Variants in CFAP20 observed in about 807,000 individuals in gnomAD.
CFAP20 encodes the protein cilia- and flagella-associated protein 20.
In CFAP20, 14 loss-of-function variants were observed where a neutral mutation model predicts 25.5. The observed-to-expected ratio is 0.55, with a 90% CI of 0.36 to 0.86. The LOEUF (loss-of-function observed/expected upper bound fraction) is 0.86. Ranked by LOEUF, CFAP20 falls within the 40% of genes least tolerant of loss-of-function variation. The probability of loss-of-function intolerance (pLI) is 0.01; values close to 1 mark genes in which losing one functional copy is unlikely to be tolerated. For synonymous variants in CFAP20, 75 were observed against 91.1 expected (o/e 0.82, Z 1.01); for missense variants, 181 against 248.0 (o/e 0.73, Z 1.81).
chr16:58,116,937 G>A lies in CFAP20; in HGVS notation c.99C>T (p.His33=), dbSNP rs558423067. 1.4e-5 allele frequency: 22 copies of A among 1,614,082 alleles called. No homozygotes were observed. In the Admixed American group the frequency reaches 2.8e-4, roughly 21 times the overall value. ...QIWDKKVRNG[H]IKRITDNDIQ... ...TGTCATTATCAGTGATTCTTTTGAT[G>A]TGGCCATTCCGTACCTACAAGAAAG... is the stretch of plus-strand genomic sequence containing the variant. Residue 33 remains histidine (H), a synonymous_variant, in exon 2 of 6, where the codon CAC becomes CAT. Transcript: ENST00000262498.
chr16:58,114,751 C>A, intron 5 of CFAP20, 59 bp downstream of exon 5: 1 of 1,405,854 alleles, frequency 7.1e-7, no homozygotes, highest in Admixed American at 1.7e-5. Flanking sequence ...AGAGCACCTT[C>A]CAGGAACACA....
At position 58,123,120 on chromosome 16, in the gene CFAP20, G is replaced by A. The variant is rs190543416; in HGVS notation, c.84+5912C>T. Among the ~76,000 whole-genome samples, 1,331 of 151,808 alleles carry A rather than the reference G, an allele frequency of 8.8e-3. 22 individuals are homozygous for A. Among genetic ancestry groups the A allele is most frequent in the East Asian group, 0.077 (389 of 5,028 alleles). ...AGTGATTCTCCTGCCTCAGCCTCCC[G>A]AGTAGCTGGGATTACAGGCATGTGC... is the stretch of plus-strand genomic sequence containing the variant. On this transcript the variant is annotated intron_variant, in intron 1 of 5. Transcript: ENST00000262498.
rs1960675408 is a variant in CFAP20, at chr16:58,129,218, C to G, written c.-103G>C. 7.8e-7 allele frequency: 1 copy of G among 1,279,702 alleles called. No individual in the cohort carries two copies. Among genetic ancestry groups the G allele is most frequent in the Admixed American group, 2.1e-5 (1 of 48,692 alleles). 79.3% of individuals were successfully genotyped at this position (1,279,702 alleles called of 1,614,324 possible). On this transcript the variant is annotated 5_prime_UTR_variant, in exon 1 of 6. Coordinates refer to ENST00000262498, the MANE Select transcript of CFAP20 (RefSeq NM_013242.3). ...GGCACAGCAGCAGGCCGGCCCTGTT[C>G]CGAAGAAGGGTGGTTGAGCTCCTGG...
intron 1 of CFAP20, among the ~76,000 whole-genome samples, chr16:58,118,262 T>C (rs1380049981): frequency 2.0e-5 from 3 of 152,032 alleles, no homozygotes; most frequent in Non-Finnish European, 2.9e-5. Flanking sequence ...GGAGGATAGC[T>C]TGAGCTCAGG....
At chr16:58,117,260 C>G (rs908268313) in intron 1 of CFAP20, among the ~76,000 whole-genome samples, 1 of 152,208 alleles carries the variant, frequency 6.6e-6, no homozygotes, top group Non-Finnish European at 1.5e-5. Context: ...ATCCCCTTCT[C>G]ACTTAAGCCT....
At chr16:58,128,414 A>G (rs1452082582) in intron 1 of CFAP20, among the ~76,000 whole-genome samples, 6 of 152,168 alleles carry the variant, frequency 3.9e-5, no homozygotes, top group African/African-American at 1.4e-4. Flanking sequence ...AGCAGGTGCC[A>G]AGGGCCACTG....
At chr16:58,125,587 G>C (rs758815399) in intron 1 of CFAP20, among the ~76,000 whole-genome samples, 11 of 152,096 alleles carry the variant, frequency 7.2e-5, no homozygotes, top group Non-Finnish European at 1.2e-4. Flanking sequence ...GGGAGGTTGA[G>C]GTGGGAGGAT....
intron 1 of CFAP20, among the ~76,000 whole-genome samples, chr16:58,117,617 T>G (rs1038926328): frequency 6.6e-6 from 1 of 152,040 alleles, no homozygotes; most frequent in Non-Finnish European, 1.5e-5. Flanking sequence ...GTATCTTTAG[T>G]AGAGACGGGG....
chr16:58,115,418 T>C lies in CFAP20; in HGVS notation c.316A>G (p.Ser106Gly). The C allele has an allele frequency of 1.9e-6, 3 of 1,614,232 alleles. No individual in the cohort carries two copies. The highest frequency in any genetic ancestry group is 2.5e-6 in the Non-Finnish European group (3 of 1,180,046). ...ACCCGGGTGGTGCTCTGGTAGTTAC[T>C]TGCCCGAAAGCGACGACGCACATTC... is the stretch of plus-strand genomic sequence containing the variant. ...DKNVRRRFRASNYQSTTRVKP... is the reference protein window; with the variant it reads ...DKNVRRRFRAGNYQSTTRVKP... The change falls in exon 4 of 6, where the codon AGT becomes GGT. Residue 106 changes from serine (S) to glycine (G), a missense_variant. Coordinates refer to ENST00000262498, the MANE Select transcript of CFAP20 (RefSeq NM_013242.3).
intron 1 of CFAP20, among the ~76,000 whole-genome samples, chr16:58,118,668 A>G (rs550512392): frequency 6.6e-6 from 1 of 151,956 alleles, no homozygotes; most frequent in East Asian, 1.9e-4. Flanking sequence ...CATCTCTACA[A>G]AAAATTAGCC....
chr16:58,129,063 C>T lies in CFAP20; in HGVS notation c.53G>A (p.Gly18Asp). Reference protein sequence around the residue: ...SGFLSILYSIGSKPLQIWDKK... With the variant: ...SGFLSILYSIDSKPLQIWDKK... ...GTCCCAGATTTGCAGAGGCTTGCTG[C>T]CGATGCTGTAGAGGATGGAGAGGAA... The change falls in exon 1 of 6, where the codon GGC becomes GAC. Residue 18 changes from glycine to aspartate, a missense_variant. Gly to Asp is a moderately conservative substitution (Grantham distance 94, BLOSUM62 -1). Transcript: ENST00000262498. 1 of 1,613,320 alleles carries T rather than the reference C, an allele frequency of 6.2e-7. No homozygotes were observed. Among genetic ancestry groups the T allele is most frequent in the Non-Finnish European group, 8.5e-7 (1 of 1,179,782 alleles).
chr16:58,126,100 T>G (rs1960606913), intron 1 of CFAP20, among the ~76,000 whole-genome samples: 1 of 152,198 alleles, frequency 6.6e-6, no homozygotes, highest in African/African-American at 2.4e-5. Flanking sequence ...ATCACACAAC[T>G]GGAACACAGC....
rs1218648301 is a variant in CFAP20, at chr16:58,114,001, C to T, written c.*24G>A. The T allele has an allele frequency of 6.2e-7, 1 of 1,611,572 alleles. No homozygotes were observed. The highest frequency in any genetic ancestry group is 2.2e-5 in the East Asian group (1 of 44,870). On this transcript the variant is annotated 3_prime_UTR_variant, in exon 6 of 6. Transcript: ENST00000262498. ...AAAAAGAAGAGTCACATCCAGGGGTCTATCCCTCGAGTCACAATTCCAGTT... is the reference window on the plus strand; with the variant it reads ...AAAAAGAAGAGTCACATCCAGGGGTTTATCCCTCGAGTCACAATTCCAGTT...
intron 1 of CFAP20, among the ~76,000 whole-genome samples, chr16:58,123,233 C>T (rs906736685): frequency 4.7e-5 from 7 of 149,994 alleles, no homozygotes; most frequent in African/African-American, 1.2e-4. Context: ...GACCTCAGCT[C>T]GCCTTGGCCT....
intron 1 of CFAP20, among the ~76,000 whole-genome samples, chr16:58,127,529 G>C (rs888551340): frequency 6.6e-6 from 1 of 152,178 alleles, no homozygotes; most frequent in Non-Finnish European, 1.5e-5. Flanking sequence ...ACCTCCTTAC[G>C]GAGTTCCCAG....
chr16:58,124,994 A>G (rs1470154247), intron 1 of CFAP20, among the ~76,000 whole-genome samples: 2 of 152,242 alleles, frequency 1.3e-5, no homozygotes, highest in Non-Finnish European at 2.9e-5. Context: ...TTTACTTTAT[A>G]AACTTTAAAA....
At position 58,129,280 on chromosome 16, in the gene CFAP20, C is replaced by G; in HGVS notation, c.-165G>C. On this transcript the variant is annotated 5_prime_UTR_variant, in exon 1 of 6. Transcript: ENST00000262498. ...GCAGCCACTGATGGCCGGACTCGGA[C>G]GCGGCAACGCTAAGTCCGCGATCTT... 2 of 670,572 alleles carry G rather than the reference C, an allele frequency of 3.0e-6. No homozygotes were observed. The highest frequency in any genetic ancestry group is 5.6e-5 in the East Asian group (2 of 35,766). 41.5% of individuals were successfully genotyped at this position (670,572 alleles called of 1,614,324 possible).
At chr16:58,128,197 T>C (rs1960646717) in intron 1 of CFAP20, among the ~76,000 whole-genome samples, 1 of 152,162 alleles carries the variant, frequency 6.6e-6, no homozygotes, top group South Asian at 2.1e-4. Context: ...GACAGCTAGA[T>C]CTTTCTTCAC....
Position 58,115,455 on chromosome 16 carries a change from T to G in CFAP20, c.279A>C (p.Val93=). The G allele has an allele frequency of 6.2e-7, 1 of 1,614,110 alleles. No individual in the cohort carries two copies. Among genetic ancestry groups the G allele is most frequent in the South Asian group, 1.1e-5 (1 of 91,072 alleles). ...LKKYFTFEVQ[V]LDDKNVRRRF... is the part of the protein sequence containing the mutation. ...GACGACGCACATTCTTGTCATCTAG[T>G]ACCTGTGAAATACAGAGAAGAAGCA... is the stretch of plus-strand genomic sequence containing the variant. Residue 93 remains valine, a splice_region_variant and synonymous_variant, in exon 4 of 6, where the codon GTA becomes GTC. Transcript: ENST00000262498.
Sources: allele counts gnomAD v4.1 joint callset (sites outside exome capture counted in the v4.1 genomes callset), GRCh38; gene constraint gnomAD v4.1.1; transcripts MANE v1.5; gene names NCBI Gene and HGNC (gene_info 2026-07-23, HGNC 2026-07-21).